LHPP: variants seen among roughly 807,000 people sequenced by gnomAD.
The protein encoded by LHPP is hLHPP.
Under a neutral mutation model 30.3 loss-of-function variants are expected in LHPP, and 24 were observed. The ratio of observed to expected loss-of-function variants is 0.79; its 90% CI spans 0.57 to 1.11. The LOEUF is 1.11. Among genes scored for constraint, LHPP ranks in the 50% most tolerant of loss-of-function variants. The probability of loss-of-function intolerance (pLI) is 0.00; values close to 1 mark genes in which losing one functional copy is unlikely to be tolerated. For synonymous variants in LHPP, 150 were observed against 157.1 expected (o/e 0.95, Z 0.34); for missense variants, 356 against 367.2 (o/e 0.97, Z 0.25).
rs150718876 is a variant in LHPP, at chr10:124,540,171, G to A, written c.716+22900G>A. Among the ~76,000 whole-genome samples, 594 of 152,276 alleles carry A rather than the reference G, an allele frequency of 3.9e-3. 4 individuals are homozygous for A. The highest frequency in any genetic ancestry group is 0.013 in the African/African-American group (551 of 41,556). On this transcript the variant is annotated intron_variant, in intron 6 of 6. Coordinates refer to ENST00000368842, the MANE Select transcript of LHPP (RefSeq NM_022126.4). ...CGCCGTGCTGTTTCTGTGTCTGTGC[G>A]CTTCGGTGGAGATGCTGTGGGTGGG...
intron 3 of LHPP, chr10:124,493,877 A>C (rs1207951271): frequency 1.3e-5 from 2 of 152,182 alleles, no homozygotes; most frequent in African/African-American, 4.8e-5. Context: ...TTAAGTGCTT[A>C]TATTTGCTCT....
rs780337522 is a variant in LHPP at position 124,517,203 on chromosome 10, C to T, written c.648C>T (p.Ile216=). 52 of 1,605,950 alleles carry T rather than the reference C, an allele frequency of 3.2e-5. No individual in the cohort carries two copies. Among genetic ancestry groups the T allele is most frequent in the African/African-American group, 5.4e-5 (4 of 74,572 alleles). Residue 216 remains isoleucine (I), a synonymous_variant, in exon 6 of 7, where the codon ATC becomes ATT. Transcript: ENST00000368842. The surrounding 1 kb of genome is among the most constrained non-coding windows in gnomAD (Gnocchi z 4.1). Reference sequence around the variant, plus strand: ...AGGCCGTCATGATTGGGGACGATATCGTGGGCGACGTCGGCGGTGCCCAGC... The same window carrying T: ...AGGCCGTCATGATTGGGGACGATATTGTGGGCGACGTCGGCGGTGCCCAGC... ...AHQAVMIGDD[I]VGDVGGAQRC... is the part of the protein sequence containing the mutation.
rs370925915 is a variant in LHPP, at chr10:124,484,194, C to G, written c.181C>G (p.Arg61Gly). 4.3e-6 allele frequency: 7 copies of G among 1,613,966 alleles called. No individual in the cohort carries two copies. In the African/African-American group the frequency reaches 9.3e-5, roughly 22 times the overall value. The change falls in exon 2 of 7, where the codon CGG (arginine) becomes GGG (glycine). Residue 61 changes from arginine (R) to glycine (G), a missense_variant. Physicochemically the swap from Arg to Gly is moderately radical, Grantham distance 125 (BLOSUM62 -2). Coordinates refer to ENST00000368842, the MANE Select transcript of LHPP (RefSeq NM_022126.4). The stretch of plus-strand genomic sequence containing the variant: ...CTGCACCAACGAGTCGCAGAAGTCC[C>G]GGGCAGAGCTGGTGGGGCAGCTTCA... ...RFCTNESQKS[R>G]AELVGQLQRL...
At chr10:124,522,932 C>T (rs1228072954) in intron 6 of LHPP, among the ~76,000 whole-genome samples, 3 of 152,188 alleles carry the variant, frequency 2.0e-5, no homozygotes, top group African/African-American at 7.2e-5. Flanking sequence ...GCCACAGACC[C>T]TTCCTGCCTC....
rs565644822 is a variant in LHPP at position 124,554,973 on chromosome 10, A to G, written c.716+37702A>G. Among the ~76,000 whole-genome samples, 21 of 152,346 alleles carry G rather than the reference A, an allele frequency of 1.4e-4. No individual in the cohort carries two copies. The South Asian group carries it at 3.7e-3, about 27-fold the overall frequency. ...AACACTGCACAGACATAATTCACTG[A>G]TTGCCAACAGCAGCTTTATGCGGCT... On this transcript the variant is annotated intron_variant, in intron 6 of 6. Coordinates refer to ENST00000368842, the MANE Select transcript of LHPP (RefSeq NM_022126.4).
intron 6 of LHPP, among the ~76,000 whole-genome samples, chr10:124,599,313 C>A (rs569195245): frequency 1.7e-4 from 26 of 152,364 alleles, no homozygotes; most frequent in African/African-American, 6.3e-4. Context: ...CAGGCGAGCA[C>A]CTGCCATGCC....
At position 124,613,570 on chromosome 10, in the gene LHPP, G is replaced by A; in HGVS notation, c.*210G>A. 3.3e-6 allele frequency: 2 copies of A among 598,618 alleles called. No individual in the cohort carries two copies. Among genetic ancestry groups the A allele is most frequent in the Middle Eastern group, 4.5e-4 (1 of 2,246 alleles). 37.1% of individuals were successfully genotyped at this position (598,618 alleles called of 1,614,324 possible). A position where few individuals can be genotyped will look rare whatever the true frequency, so the allele number is the denominator to read the frequency against. On this transcript the variant is annotated 3_prime_UTR_variant, in exon 7 of 7. Transcript: ENST00000368842. ...GCCTTCTGCCCTCTGCCCTGCATGG[G>A]CAGGCATTTGTTCCCTACCTGGGTG... is the stretch of plus-strand genomic sequence containing the variant.
chr10:124,510,061 C>T lies in LHPP; in HGVS notation c.625-7119C>T, dbSNP rs1203808589. On this transcript the variant is annotated intron_variant, in intron 5 of 6. Coordinates refer to ENST00000368842, the MANE Select transcript of LHPP (RefSeq NM_022126.4). This position sits in a 1 kb window ranked among gnomAD's most constrained non-coding sequence, Gnocchi z 4.0. ...CCTCTGGGACTGTGGCGCCTCCATC[C>T]GGCTCTCTGGATCCTGGGTTCTGGG... Among the ~76,000 whole-genome samples the T allele has an allele frequency of 2.0e-5, 3 of 152,192 alleles. No homozygotes were observed. Among genetic ancestry groups the T allele is most frequent in the South Asian group, 2.1e-4 (1 of 4,820 alleles).
Position 124,587,848 on chromosome 10 carries a change from G to A in LHPP, c.717-25416G>A, listed in dbSNP as rs987737522. Among the ~76,000 whole-genome samples, 9 of 151,654 alleles carry A rather than the reference G, an allele frequency of 5.9e-5. No homozygotes were observed. The South Asian group carries it at 8.3e-4, about 14-fold the overall frequency. ...TCTCAGGGGTGGCAGTGGAGCTCCC[G>A]TGCCTCCCACAGATGAGGACGTGGA... On this transcript the variant is annotated intron_variant, in intron 6 of 6. Coordinates refer to ENST00000368842, the MANE Select transcript of LHPP (RefSeq NM_022126.4).
At chr10:124,521,573 G>A (rs191104734) in intron 6 of LHPP, among the ~76,000 whole-genome samples, 10 of 152,340 alleles carry the variant, frequency 6.6e-5, no homozygotes, top group African/African-American at 1.9e-4. Context: ...TGGCCTTGGC[G>A]GAAATGGGAG....
intron 6 of LHPP, among the ~76,000 whole-genome samples, chr10:124,607,104 G>A (rs1949105264): frequency 6.6e-6 from 1 of 152,144 alleles, no homozygotes; most frequent in African/African-American, 2.4e-5. Context: ...GCCACTCCGG[G>A]CAGGATGGTC....
intron 6 of LHPP, among the ~76,000 whole-genome samples, chr10:124,540,818 C>T (rs967763089): frequency 6.6e-6 from 1 of 152,148 alleles, no homozygotes; most frequent in African/African-American, 2.4e-5. Flanking sequence ...TAAGTTCTGG[C>T]CCTAGATCTA....
At chr10:124,604,398 G>C (rs762062465) in intron 6 of LHPP, among the ~76,000 whole-genome samples, 1 of 152,136 alleles carries the variant, frequency 6.6e-6, no homozygotes. Context: ...GGCCGTGCTG[G>C]GCCAGCACGT....
chr10:124,472,082 C>CG (rs1564769131), intron 1 of LHPP, among the ~76,000 whole-genome samples: 3 of 152,114 alleles, frequency 2.0e-5, no homozygotes, highest in African/African-American at 7.2e-5. Flanking sequence ...GAGGCCAAAG[C>CG]GGGCAGATCA....
intron 6 of LHPP, among the ~76,000 whole-genome samples, chr10:124,582,794 C>G (rs753446552): frequency 6.6e-6 from 1 of 151,448 alleles, no homozygotes; most frequent in Non-Finnish European, 1.5e-5. Context: ...TGCTTGAGCT[C>G]AGGAGTTCAA....
chr10:124,560,048 A>T (rs4962648), intron 6 of LHPP, among the ~76,000 whole-genome samples: 1 of 152,002 alleles, frequency 6.6e-6, no homozygotes, highest in Non-Finnish European at 1.5e-5. Context: ...AGCCTGTACC[A>T]GGGCACTGGA....
Position 124,496,877 on chromosome 10 carries a change from C to A in LHPP, c.468-84C>A. ...TTGGCTCTGCAGCCAGCGGGACAGG[C>A]CCGGTGCTCAGCTCCCGATACTTAG... On this transcript the variant is annotated intron_variant, in intron 3 of 6. Coordinates refer to ENST00000368842, the MANE Select transcript of LHPP (RefSeq NM_022126.4). The surrounding 1 kb of genome is among the most constrained non-coding windows in gnomAD (Gnocchi z 4.3). 1 of 1,268,848 alleles carries A rather than the reference C, an allele frequency of 7.9e-7. No individual in the cohort carries two copies. The highest frequency in any genetic ancestry group is 1.1e-6 in the Non-Finnish European group (1 of 887,260). 78.6% of individuals were successfully genotyped at this position (1,268,848 alleles called of 1,614,324 possible).
At chr10:124,533,743 G>T (rs553810941) in intron 6 of LHPP, among the ~76,000 whole-genome samples, 19 of 152,342 alleles carry the variant, frequency 1.2e-4, no homozygotes, top group African/African-American at 3.8e-4. Context: ...GGCACTTGCC[G>T]TGTGCTCCGC....
chr10:124,545,814 G>A (rs1347793754), intron 6 of LHPP, among the ~76,000 whole-genome samples: 2 of 152,316 alleles, frequency 1.3e-5, no homozygotes, highest in East Asian at 1.9e-4. Context: ...AAAGGCCGAC[G>A]CTGTCATTCT....
Sources: gnomAD v4.1 joint callset for allele counts (sites outside exome capture counted in the v4.1 genomes callset) on GRCh38, gnomAD v4.1.1 for gene constraint, Gnocchi (gnomAD v3.1) non-coding constraint, MANE v1.5 for transcripts, NCBI Gene and HGNC (gene_info 2026-07-23, HGNC 2026-07-21) for gene names.